Variants in TMEM135 observed in about 807,000 individuals in gnomAD.
TMEM135 encodes peroxisomal membrane protein 52.
TMEM135 carries 30 observed loss-of-function variants against 60.3 expected under a neutral mutation model. The observed-to-expected ratio is 0.50, with a 90% CI of 0.37 to 0.68. TMEM135 has a LOEUF of 0.68. TMEM135 is among the 30% of genes least tolerant of loss of function. TMEM135 has a pLI of 0.00. For synonymous variants in TMEM135, 190 were observed against 186.7 expected, an observed-to-expected ratio of 1.02 and a Z score of -0.14; for missense variants, 468 against 548.8, an observed-to-expected ratio of 0.85 and a Z score of 1.47.
At chr11:87,129,285 C>T (rs1161909459) in intron 4 of TMEM135, among the ~76,000 whole-genome samples, 2 of 88,110 alleles carry the variant, frequency 2.3e-5, no homozygotes, top group Non-Finnish European at 4.5e-5. Context: ...TTCTGTTGCC[C>T]AGGCTGGAGT....
intron 4 of TMEM135, among the ~76,000 whole-genome samples, chr11:87,153,737 A>G (rs1449457119): frequency 6.6e-6 from 1 of 152,192 alleles, no homozygotes; most frequent in Non-Finnish European, 1.5e-5. Flanking sequence ...CTCTATCGCT[A>G]ATTCCTTCAA....
At chr11:87,319,840 G>A (rs1031512501) in intron 14 of TMEM135, among the ~76,000 whole-genome samples, 3 of 152,072 alleles carry the variant, frequency 2.0e-5, no homozygotes, top group Admixed American at 2.0e-4. Context: ...AATTCTTTGG[G>A]AGGCATTTTG....
chr11:87,112,449 C>A (rs61904190), intron 4 of TMEM135, among the ~76,000 whole-genome samples: 8,472 of 152,060 alleles, frequency 0.056, 323 homozygotes, highest in Middle Eastern at 0.1. Flanking sequence ...GTATGTGTTT[C>A]TTTTATTGTG....
At chr11:87,053,094 C>G (rs1397425611) in intron 1 of TMEM135, among the ~76,000 whole-genome samples, 5 of 121,286 alleles carry the variant, frequency 4.1e-5, no homozygotes, top group African/African-American at 1.8e-4. Flanking sequence ...TATTCTCACT[C>G]AAAGCTGGGA....
At chr11:87,245,542 G>C (rs1941247858) in intron 6 of TMEM135, among the ~76,000 whole-genome samples, 1 of 144,030 alleles carries the variant, frequency 6.9e-6, no homozygotes, top group Admixed American at 6.9e-5. Flanking sequence ...CTCCTGTATT[G>C]GGTGCATATG....
intron 11 of TMEM135, 75 bp from the exon 12 acceptor site, chr11:87,314,396 A>G: frequency 1.6e-6 from 2 of 1,280,614 alleles, no homozygotes; most frequent in Non-Finnish European, 2.2e-6. Flanking sequence ...ATGTAAGTGA[A>G]TTAACATTTC....
intron 6 of TMEM135, among the ~76,000 whole-genome samples, chr11:87,263,522 C>T (rs1565147190): frequency 6.6e-6 from 1 of 152,066 alleles, no homozygotes; most frequent in Non-Finnish European, 1.5e-5. Context: ...TGACATATGT[C>T]TTGATTCTTA....
rs112899458 is a variant in TMEM135, at chr11:87,073,898, C to T, written c.362+2283C>T. ...AGCCAGGTTGGTCTCAAACTCCCAT[C>T]CTCAGGAGATCCACCAGCTTCGGCC... On this transcript the variant is annotated intron_variant, in intron 3 of 14. Coordinates refer to ENST00000305494, the MANE Select transcript of TMEM135 (RefSeq NM_022918.4). Among the ~76,000 whole-genome samples, 492 of 152,096 alleles carry T rather than the reference C, an allele frequency of 3.2e-3. 5 individuals are homozygous for T. Among genetic ancestry groups the T allele is most frequent in the African/African-American group, 0.011 (468 of 41,508 alleles).
At position 87,209,837 on chromosome 11, in the gene TMEM135, G is replaced by A. The variant is rs989441905; in HGVS notation, c.463-26801G>A. Among the ~76,000 whole-genome samples, 62 of 152,200 alleles carry A rather than the reference G, an allele frequency of 4.1e-4. 1 individual carries two copies. Among genetic ancestry groups the A allele is most frequent in the Admixed American group, 1.9e-3 (29 of 15,278 alleles). On this transcript the variant is annotated intron_variant, in intron 5 of 14. Coordinates refer to ENST00000305494, the MANE Select transcript of TMEM135 (RefSeq NM_022918.4). ...ACCAACCACATTATTGGACCACAGT[G>A]CAATAAAAGTAGAAATCATTACCAA...
At chr11:87,183,914 C>G (rs1005088817) in intron 5 of TMEM135, among the ~76,000 whole-genome samples, 3 of 140,010 alleles carry the variant, frequency 2.1e-5, no homozygotes, top group African/African-American at 8.0e-5. Flanking sequence ...TGAGATCATG[C>G]CATCACACTC....
chr11:87,278,712 T>A (rs1418147782), intron 6 of TMEM135, among the ~76,000 whole-genome samples: 2 of 152,218 alleles, frequency 1.3e-5, no homozygotes, highest in East Asian at 3.8e-4. Flanking sequence ...TTATATACAA[T>A]AAAAATATAC....
At chr11:87,106,350 C>T (rs530184251) in intron 4 of TMEM135, among the ~76,000 whole-genome samples, 14 of 152,156 alleles carry the variant, frequency 9.2e-5, no homozygotes, top group South Asian at 2.1e-4. Flanking sequence ...CTGACCCATC[C>T]GCCTTAGCCT....
At chr11:87,156,842 A>C (rs574956987) in intron 4 of TMEM135, among the ~76,000 whole-genome samples, 1 of 152,300 alleles carries the variant, frequency 6.6e-6, no homozygotes, top group Admixed American at 6.5e-5. Flanking sequence ...TTTGAACTTA[A>C]TTTTTGTTCA....
At chr11:87,207,635 G>A (rs117424807) in intron 5 of TMEM135, among the ~76,000 whole-genome samples, 1,922 of 152,244 alleles carry the variant, frequency 0.013, 13 homozygotes, top group Non-Finnish European at 0.02. Flanking sequence ...CAAAACAGCC[G>A]TACAAGGTAT....
At chr11:87,246,147 A>C (rs1941263545) in intron 6 of TMEM135, among the ~76,000 whole-genome samples, 2 of 130,616 alleles carry the variant, frequency 1.5e-5, no homozygotes, top group African/African-American at 3.0e-5. Flanking sequence ...CTGGGTTGAA[A>C]ATTCTTTTCT....
At chr11:87,039,350 G>A (rs996746863) in intron 1 of TMEM135, among the ~76,000 whole-genome samples, 1 of 152,176 alleles carries the variant, frequency 6.6e-6, no homozygotes, top group Non-Finnish European at 1.5e-5. Flanking sequence ...TAAAATGGGG[G>A]TTCTAATTCA....
At chr11:87,307,245 C>A (rs529813838) in intron 9 of TMEM135, among the ~76,000 whole-genome samples, 1 of 152,142 alleles carries the variant, frequency 6.6e-6, no homozygotes, top group African/African-American at 2.4e-5. Context: ...GTTAGCCCAG[C>A]CCACACTTAG....
intron 5 of TMEM135, among the ~76,000 whole-genome samples, chr11:87,176,515 T>A (rs989808348): frequency 7.2e-5 from 11 of 152,130 alleles, no homozygotes; most frequent in African/African-American, 2.7e-4. Flanking sequence ...GCAAGTATTA[T>A]TTGAGATGGT....
intron 4 of TMEM135, among the ~76,000 whole-genome samples, chr11:87,143,464 C>T (rs943080471): frequency 6.7e-6 from 1 of 149,856 alleles, no homozygotes; most frequent in Non-Finnish European, 1.5e-5. Flanking sequence ...ACATTTTATT[C>T]TATATATTTC....
Sources: gnomAD v4.1 joint callset for allele counts (sites outside exome capture counted in the v4.1 genomes callset) on GRCh38, gnomAD v4.1.1 for gene constraint, MANE v1.5 for transcripts, NCBI Gene and HGNC (gene_info 2026-07-23, HGNC 2026-07-21) for gene names.